Variants in GFRA1 observed in about 807,000 individuals in gnomAD.
The protein encoded by GFRA1 is GDNF family receptor alpha-1.
GFRA1 carries 16 observed loss-of-function variants against 51.6 expected under a neutral mutation model. The ratio of observed to expected loss-of-function variants is 0.31; its 90% CI spans 0.21 to 0.47. The LOEUF (loss-of-function observed/expected upper bound fraction) is 0.47. GFRA1 is among the 20% of genes least tolerant of loss of function. GFRA1 has a pLI of 1.00. For missense variants in GFRA1, 530 were observed against 594.3 expected (o/e 0.89, Z 1.13); for synonymous variants, 270 against 241.3 (o/e 1.12, Z -1.10).
At position 116,251,083 on chromosome 10, in the gene GFRA1, C is replaced by T. The variant is rs1387056945; in HGVS notation, c.418+18420G>A. On this transcript the variant is annotated intron_variant, in intron 4 of 10. Coordinates refer to ENST00000355422, the MANE Select transcript of GFRA1 (RefSeq NM_005264.8). ...AGGGTCCCCTTCTCCCCTCTGTTCC[C>T]TTCTGTATCATATTGGTCAGTTTTC... Among the ~76,000 whole-genome samples the T allele has an allele frequency of 4.6e-5, 7 of 152,244 alleles. No homozygotes were observed. In the East Asian group the frequency reaches 1.3e-3, roughly 29 times the overall value.
At chr10:116,125,598 G>A (rs907551182) in intron 5 of GFRA1, 41 bp from the exon 6 acceptor site, 59 of 1,484,754 alleles carry the variant, frequency 4.0e-5, no homozygotes, top group Middle Eastern at 1.9e-4. Context: ...ACAGTGCTCG[G>A]CTCTGTGTTC....
chr10:116,157,950 C>T (rs925247742), intron 5 of GFRA1, among the ~76,000 whole-genome samples: 3 of 152,184 alleles, frequency 2.0e-5, no homozygotes, highest in Non-Finnish European at 2.9e-5. Flanking sequence ...AACACTGCAA[C>T]GTGAACACAC....
intron 5 of GFRA1, among the ~76,000 whole-genome samples, chr10:116,142,376 C>T (rs1413697055): frequency 6.6e-6 from 1 of 152,206 alleles, no homozygotes; most frequent in Non-Finnish European, 1.5e-5. Context: ...GTGCATCTTT[C>T]AGTTCACAGT....
chr10:116,080,575 T>C (rs566343699), intron 9 of GFRA1, among the ~76,000 whole-genome samples: 3 of 152,376 alleles, frequency 2.0e-5, no homozygotes, highest in East Asian at 1.9e-4. Context: ...CCAACTCTGA[T>C]GAGGCGTTGT....
At chr10:116,269,410 A>G in intron 4 of GFRA1, 93 bp downstream of exon 4, 2 of 787,520 alleles carry the variant, frequency 2.5e-6, no homozygotes, top group Middle Eastern at 2.2e-4. Flanking sequence ...CCATTCAACT[A>G]TCTACTTATA....
intron 5 of GFRA1, among the ~76,000 whole-genome samples, chr10:116,138,342 T>G (rs1158538221): frequency 6.6e-6 from 1 of 151,396 alleles, no homozygotes; most frequent in East Asian, 1.9e-4. Flanking sequence ...TGATCAGACT[T>G]GGAATTCGCT....
chr10:116,201,749 C>T (rs545689750), intron 5 of GFRA1, among the ~76,000 whole-genome samples: 1 of 152,262 alleles, frequency 6.6e-6, no homozygotes, highest in South Asian at 2.1e-4. Context: ...GGTCCCTGAC[C>T]ATGCCTTGTA....
rs182390854 is a variant in GFRA1 at position 116,185,313 on chromosome 10, G to C, written c.433+26318C>G. Among the ~76,000 whole-genome samples, 8 of 152,168 alleles carry C rather than the reference G, an allele frequency of 5.3e-5. No homozygotes were observed. The East Asian group carries it at 1.5e-3, about 29-fold the overall frequency. On this transcript the variant is annotated intron_variant, in intron 5 of 10. Coordinates refer to ENST00000355422, the MANE Select transcript of GFRA1 (RefSeq NM_005264.8). ...CAGGCTTTGGAGGAGCTGTGTATTT[G>C]ATGCACAGAGGTGCTCAGCTGATGA...
chr10:116,255,483 G>T, intron 4 of GFRA1: 4 of 736,168 alleles, frequency 5.4e-6, no homozygotes, highest in Middle Eastern at 3.1e-4. Context: ...AAACATTCTT[G>T]AGAATCATCA....
At chr10:116,161,735 G>A (rs12415341) in intron 5 of GFRA1, among the ~76,000 whole-genome samples, 24,335 of 152,230 alleles carry the variant, frequency 0.16, 2,448 homozygotes, top group Admixed American at 0.27. Flanking sequence ...CATCTGCCAT[G>A]ATTGTGAGGC....
At chr10:116,220,348 A>C (rs1965839423) in intron 4 of GFRA1, among the ~76,000 whole-genome samples, 1 of 152,208 alleles carries the variant, frequency 6.6e-6, no homozygotes. Flanking sequence ...TTCCAAGTCA[A>C]ATGATACATT....
At chr10:116,181,641 T>G (rs938019045) in intron 5 of GFRA1, among the ~76,000 whole-genome samples, 14 of 150,640 alleles carry the variant, frequency 9.3e-5, no homozygotes, top group South Asian at 2.1e-4. Flanking sequence ...TTTTGTTGTT[T>G]TTTTGTTTTT....
intron 5 of GFRA1, among the ~76,000 whole-genome samples, chr10:116,171,882 T>C (rs983191229): frequency 3.3e-5 from 5 of 152,192 alleles, no homozygotes; most frequent in African/African-American, 1.2e-4. Context: ...ACTCTGCTGG[T>C]ATCAGTGTGG....
chr10:116,117,355 C>T (rs529056625), intron 6 of GFRA1, among the ~76,000 whole-genome samples: 1 of 152,084 alleles, frequency 6.6e-6, no homozygotes, highest in African/African-American at 2.4e-5. Context: ...TCCAGGAAGC[C>T]TTGCTAACAG....
chr10:116,194,422 G>C (rs1242173075), intron 5 of GFRA1, among the ~76,000 whole-genome samples: 1 of 152,088 alleles, frequency 6.6e-6, no homozygotes, highest in African/African-American at 2.4e-5. Context: ...TAGACACTCT[G>C]TTTTCTAATT....
intron 5 of GFRA1, among the ~76,000 whole-genome samples, chr10:116,207,148 CTCATCTGTAA>C (rs60629173): frequency 0.6 from 90,750 of 151,384 alleles, 28,375 homozygotes; most frequent in African/African-American, 0.79. Flanking sequence ...AAACAGTTTC[CTCATCTGTAA>C]AATTCTCTCA....
chr10:116,084,012 G>A (rs1955977005), intron 9 of GFRA1, among the ~76,000 whole-genome samples: 2 of 152,198 alleles, frequency 1.3e-5, no homozygotes, highest in African/African-American at 4.8e-5. Context: ...AGGCTGGCAA[G>A]GTGTGAACCT....
intron 5 of GFRA1, among the ~76,000 whole-genome samples, chr10:116,187,481 G>A (rs557412447): frequency 1.1e-4 from 16 of 152,154 alleles, no homozygotes; most frequent in African/African-American, 2.9e-4. Context: ...AATTCTCCAG[G>A]CTTGAGAACT....
chr10:116,170,536 G>C (rs992662758), intron 5 of GFRA1, among the ~76,000 whole-genome samples: 1 of 152,140 alleles, frequency 6.6e-6, no homozygotes, highest in Non-Finnish European at 1.5e-5. Flanking sequence ...TGGAGCAGAA[G>C]TCTCTTTGGA....
Sources: allele counts gnomAD v4.1 joint callset (sites outside exome capture counted in the v4.1 genomes callset), GRCh38; gene constraint gnomAD v4.1.1; transcripts MANE v1.5; gene names NCBI Gene and HGNC (gene_info 2026-07-23, HGNC 2026-07-21).